KIF6: variants seen among roughly 807,000 people sequenced by gnomAD.
KIF6 encodes the protein kinesin-like protein KIF6.
Under a neutral mutation model 112.7 loss-of-function variants are expected in KIF6, and 106 were observed. That is an observed-to-expected ratio of 0.94 (90% confidence interval 0.80 to 1.11). KIF6 has a LOEUF of 1.11. Among genes scored for constraint, KIF6 ranks in the 50% least tolerant of loss-of-function variants. The pLI, the probability that KIF6 is intolerant of heterozygous loss-of-function variation, is 0.00. For missense variants in KIF6, 929 were observed against 964.0 expected (o/e 0.96, Z 0.48); for synonymous variants, 339 against 339.9 (o/e 1.00, Z 0.03).
chr6:39,534,969 A>T (rs1262332560), intron 13 of KIF6, among the ~76,000 whole-genome samples: 1 of 152,202 alleles, frequency 6.6e-6, no homozygotes, highest in Non-Finnish European at 1.5e-5. Flanking sequence ...ACTAAGCTTC[A>T]TAAGTGAAGG....
chr6:39,595,477 G>T (rs187485300), intron 7 of KIF6, among the ~76,000 whole-genome samples: 49 of 152,206 alleles, frequency 3.2e-4, no homozygotes, highest in Middle Eastern at 3.4e-3. Flanking sequence ...CAATAAAATG[G>T]TATACACAAA....
At chr6:39,627,027 G>A (rs1784128143) in intron 5 of KIF6, among the ~76,000 whole-genome samples, 1 of 151,996 alleles carries the variant, frequency 6.6e-6, no homozygotes. Flanking sequence ...TTCCAATTAT[G>A]CTATGTCCTG....
rs368399312 is a variant in KIF6 at position 39,371,530 on chromosome 6, C to G, written c.1862-9012G>C. 2.2e-4 allele frequency among the ~76,000 whole-genome samples: 33 copies of G among 152,286 alleles called. No homozygotes were observed. The South Asian group carries it at 4.8e-3, about 22-fold the overall frequency. ...ACAGCTCGTATCAGATGGCCAGGGCCTTTCTGCACAGCCCTGACAGTCTTT... is the reference window on the plus strand; with the variant it reads ...ACAGCTCGTATCAGATGGCCAGGGCGTTTCTGCACAGCCCTGACAGTCTTT... On this transcript the variant is annotated intron_variant, in intron 16 of 22. Coordinates refer to ENST00000287152, the MANE Select transcript of KIF6 (RefSeq NM_145027.6).
intron 15 of KIF6, among the ~76,000 whole-genome samples, chr6:39,394,048 C>T (rs1015353539): frequency 1.3e-5 from 2 of 151,788 alleles, no homozygotes; most frequent in Non-Finnish European, 2.9e-5. Context: ...GCACATATGC[C>T]CTTGTGCATA....
chr6:39,649,064 A>G (rs12663154), intron 3 of KIF6, among the ~76,000 whole-genome samples: 7,658 of 151,952 alleles, frequency 0.05, 527 homozygotes, highest in East Asian at 0.38. Flanking sequence ...TCGAGAGGCT[A>G]AGGTGGGAGG....
intron 16 of KIF6, among the ~76,000 whole-genome samples, chr6:39,383,508 C>T (rs1767148665): frequency 6.6e-6 from 1 of 152,072 alleles, no homozygotes; most frequent in African/African-American, 2.4e-5. Context: ...TGTCTTGTTC[C>T]ATTGGTCTAT....
chr6:39,612,796 A>G (rs968535990), intron 6 of KIF6, among the ~76,000 whole-genome samples: 2 of 152,224 alleles, frequency 1.3e-5, no homozygotes, highest in Non-Finnish European at 1.5e-5. Context: ...GGAAAAATGG[A>G]CTGAGTATTT....
intron 13 of KIF6, among the ~76,000 whole-genome samples, chr6:39,494,244 T>C (rs1414919337): frequency 1.3e-5 from 2 of 152,220 alleles, no homozygotes. Flanking sequence ...TTAATACTTA[T>C]CTTTTGAGTA....
intron 9 of KIF6, 137 bp from the exon 10 acceptor site, chr6:39,578,296 T>C: frequency 3.2e-6 from 2 of 625,008 alleles, no homozygotes; most frequent in Admixed American, 2.7e-5. Context: ...GCCAGCTTTG[T>C]TAAATCTTAA....
intron 10 of KIF6, among the ~76,000 whole-genome samples, chr6:39,550,080 C>A (rs1229802736): frequency 6.6e-6 from 1 of 152,000 alleles, no homozygotes; most frequent in Non-Finnish European, 1.5e-5. Context: ...GACCAGCGAC[C>A]CAAGCTAACC....
Position 39,546,343 on chromosome 6 carries a change from C to T in KIF6, c.1182-655G>A, listed in dbSNP as rs78652816. On this transcript the variant is annotated intron_variant, in intron 10 of 22. Coordinates refer to ENST00000287152, the MANE Select transcript of KIF6 (RefSeq NM_145027.6). ...TCTGAAGGCCAGTTTCTCCCCTGGG[C>T]TCTCTCTCTGCTTCTTCCAGGGCTT... Among the ~76,000 whole-genome samples the T allele has an allele frequency of 4.8e-3, 735 of 152,244 alleles. 5 individuals are homozygous for T. The highest frequency in any genetic ancestry group is 0.016 in the African/African-American group (685 of 41,538).
At chr6:39,659,682 C>T (rs749490006) in intron 3 of KIF6, among the ~76,000 whole-genome samples, 2 of 152,150 alleles carry the variant, frequency 1.3e-5, no homozygotes, top group South Asian at 4.2e-4. Context: ...CTCTCTCCTG[C>T]CACCATGTGA....
chr6:39,583,425 G>A (rs765357112), intron 9 of KIF6: 5 of 471,554 alleles, frequency 1.1e-5, no homozygotes, highest in Non-Finnish European at 1.8e-5. Context: ...AACAGATCCT[G>A]CCTCACTCAT....
intron 13 of KIF6, among the ~76,000 whole-genome samples, chr6:39,466,463 T>A (rs1773792518): frequency 6.6e-6 from 1 of 152,202 alleles, no homozygotes. Context: ...CCATTTGAAA[T>A]ATCTGAAAAT....
chr6:39,552,028 A>G (rs767031205), intron 10 of KIF6, among the ~76,000 whole-genome samples: 30 of 152,240 alleles, frequency 2.0e-4, no homozygotes, highest in Non-Finnish European at 3.4e-4. Flanking sequence ...CTGAGTCAGA[A>G]TCTACATTTA....
At chr6:39,696,728 T>C (rs1316564230) in intron 3 of KIF6, among the ~76,000 whole-genome samples, 3 of 151,894 alleles carry the variant, frequency 2.0e-5, no homozygotes, top group Non-Finnish European at 4.4e-5. Context: ...CTTTGAGATA[T>C]TGTGTATGTC....
Position 39,359,286 on chromosome 6 carries a change from A to G in KIF6, c.2082+1109T>C, listed in dbSNP as rs1764949277. On this transcript the variant is annotated intron_variant, in intron 18 of 22. Transcript: ENST00000287152. ...CACAACTGAGGTGTTACATGAGGAA[A>G]ACTGAAACTGGGATTTTGTGCTAAC... is the stretch of plus-strand genomic sequence containing the variant. Among the ~76,000 whole-genome samples the G allele has an allele frequency of 2.0e-5, 3 of 152,240 alleles. No homozygotes were observed. In the South Asian group the frequency reaches 6.2e-4, roughly 32 times the overall value.
chr6:39,708,118 C>T (rs912366633), intron 3 of KIF6, among the ~76,000 whole-genome samples: 6 of 152,162 alleles, frequency 3.9e-5, no homozygotes, highest in Non-Finnish European at 5.9e-5. Flanking sequence ...CAACCCACGG[C>T]ATTATCAGCA....
Position 39,584,977 on chromosome 6 carries a change from A to G in KIF6, c.998T>C (p.Ile333Thr), listed in dbSNP as rs1415108608. 6.3e-7 allele frequency: 1 copy of G among 1,594,318 alleles called. No individual in the cohort carries two copies. Among genetic ancestry groups the G allele is most frequent in the East Asian group, 2.2e-5 (1 of 44,792 alleles). ...SLEKRNLDES[I>T]STCRFAQRVA... is the part of the protein sequence containing the mutation. ...TCGCTGTGCAAATCTGCAGGTTGAT[A>G]TAGACTCCTAAGAAAGCAAAGTAAC... The change falls in exon 9 of 23, where the codon ATA becomes ACA. Residue 333 changes from isoleucine to threonine, a missense_variant. By Grantham distance (89) the Ile-to-Thr change is moderately conservative. Transcript: ENST00000287152.
Sources: allele counts gnomAD v4.1 joint callset (sites outside exome capture counted in the v4.1 genomes callset), GRCh38; gene constraint gnomAD v4.1.1; transcripts MANE v1.5; gene names NCBI Gene and HGNC (gene_info 2026-07-23, HGNC 2026-07-21).